The following TBC1D5 variants were observed in gnomAD, a reference collection of about 807,000 sequenced individuals.
TBC1D5 encodes TBC1 domain family member 5.
Under a neutral mutation model 100.3 loss-of-function variants are expected in TBC1D5, and 75 were observed. That is an observed-to-expected ratio of 0.75 (90% CI 0.62 to 0.91). The LOEUF (loss-of-function observed/expected upper bound fraction) is 0.91. Among genes scored for constraint, TBC1D5 ranks in the 40% least tolerant of loss-of-function variants. The pLI is 0.00. For synonymous variants in TBC1D5, 323 were observed against 325.6 expected, an observed-to-expected ratio of 0.99 and a Z score of 0.09; for missense variants, 910 against 942.4, an observed-to-expected ratio of 0.97 and a Z score of 0.45.
At chr3:17,202,768 T>C (rs183944106) in intron 18 of TBC1D5, among the ~76,000 whole-genome samples, 1 of 152,328 alleles carries the variant, frequency 6.6e-6, no homozygotes, top group African/African-American at 2.4e-5. Context: ...AGCTTTCACA[T>C]AGTGTTAAGC....
chr3:17,386,339 A>T (rs2152273755), intron 8 of TBC1D5, among the ~76,000 whole-genome samples: 1 of 152,252 alleles, frequency 6.6e-6, no homozygotes, highest in Non-Finnish European at 1.5e-5. Context: ...ATTGATTATG[A>T]AAGAAAGTAC....
At chr3:17,554,652 T>G (rs1242297742) in intron 2 of TBC1D5, among the ~76,000 whole-genome samples, 1 of 152,200 alleles carries the variant, frequency 6.6e-6, no homozygotes, top group Non-Finnish European at 1.5e-5. Flanking sequence ...AGCACTTTTC[T>G]GCACTTGGGT....
intron 3 of TBC1D5, among the ~76,000 whole-genome samples, chr3:17,434,656 C>T (rs1172627986): frequency 6.6e-6 from 1 of 152,178 alleles, no homozygotes; most frequent in Non-Finnish European, 1.5e-5. Flanking sequence ...CCCACAAAAC[C>T]ACTTTTCCCT....
chr3:17,617,867 T>C (rs1043455567), intron 2 of TBC1D5, among the ~76,000 whole-genome samples: 1 of 152,226 alleles, frequency 6.6e-6, no homozygotes, highest in Non-Finnish European at 1.5e-5. Context: ...TCAAAGAAGT[T>C]TGTTATTACT....
At chr3:17,742,220 C>A (rs1170500161), upstream of TBC1D5, among the ~76,000 whole-genome samples, 2 of 152,120 alleles carry the variant, frequency 1.3e-5, no homozygotes, top group African/African-American at 2.4e-5. Flanking sequence ...CCGCCATCCA[C>A]CCCCGACGCC....
At position 17,673,889 on chromosome 3, in the gene TBC1D5, C is replaced by T. The variant is rs1487286418; in HGVS notation, c.-100-49976G>A. Among the ~76,000 whole-genome samples the T allele has an allele frequency of 2.6e-5, 4 of 152,226 alleles. No homozygotes were observed. The East Asian group carries it at 7.7e-4, about 29-fold the overall frequency. ...TTTATTTCAAAAATGAACTGAAGGA[C>T]TCCACCATGCAGATCTCCTGAATGA... On this transcript the variant is annotated intron_variant, in intron 1 of 21. Coordinates refer to ENST00000253692, the Ensembl canonical transcript of TBC1D5.
intron 17 of TBC1D5, among the ~76,000 whole-genome samples, chr3:17,228,297 C>T (rs2075107394): frequency 6.6e-6 from 1 of 152,178 alleles, no homozygotes; most frequent in African/African-American, 2.4e-5. Context: ...TGACCCTCCA[C>T]TGGCCATAGT....
At chr3:17,346,087 T>G (rs1248489199) in intron 13 of TBC1D5, among the ~76,000 whole-genome samples, 1 of 151,852 alleles carries the variant, frequency 6.6e-6, no homozygotes, top group East Asian at 1.9e-4. Flanking sequence ...ATAAAAGAAT[T>G]TTTCAGTATA....
At chr3:17,217,938 C>T (rs1211758094) in intron 17 of TBC1D5, among the ~76,000 whole-genome samples, 1 of 152,026 alleles carries the variant, frequency 6.6e-6, no homozygotes, top group Non-Finnish European at 1.5e-5. Flanking sequence ...TACTGCCTAA[C>T]CTGAGGTCAT....
At chr3:17,312,332 T>C (rs17043356) in intron 13 of TBC1D5, among the ~76,000 whole-genome samples, 2,371 of 152,272 alleles carry the variant, frequency 0.016, 24 homozygotes, top group Non-Finnish European at 0.025. Flanking sequence ...TGAAGGATGC[T>C]TACCTGTTTG....
intron 2 of TBC1D5, among the ~76,000 whole-genome samples, chr3:17,559,060 T>C (rs1281864412): frequency 1.3e-5 from 2 of 149,132 alleles, no homozygotes; most frequent in Non-Finnish European, 1.5e-5. Flanking sequence ...TATTTTACGG[T>C]CTATTTTCTA....
intron 13 of TBC1D5, among the ~76,000 whole-genome samples, chr3:17,311,466 T>C (rs1227458615): frequency 6.6e-6 from 1 of 152,070 alleles, no homozygotes; most frequent in African/African-American, 2.4e-5. Flanking sequence ...ACCACTATTC[T>C]CGATTTTAAA....
At chr3:17,330,846 C>T (rs1193626392) in intron 13 of TBC1D5, among the ~76,000 whole-genome samples, 2 of 152,168 alleles carry the variant, frequency 1.3e-5, no homozygotes, top group African/African-American at 2.4e-5. Flanking sequence ...TCCTCTTGTA[C>T]TTACAGCTGA....
At chr3:17,699,040 T>A (rs1279730186) in intron 1 of TBC1D5, among the ~76,000 whole-genome samples, 1 of 151,726 alleles carries the variant, frequency 6.6e-6, no homozygotes, top group African/African-American at 2.4e-5. Flanking sequence ...ATCCCATTAC[T>A]GGGTATATGC....
chr3:17,613,896 T>C (rs9681617), intron 2 of TBC1D5, among the ~76,000 whole-genome samples: 62,434 of 152,020 alleles, frequency 0.41, 13,502 homozygotes, highest in Middle Eastern at 0.5. Flanking sequence ...TTTAATTAGA[T>C]CCCATCTGTC....
At chr3:17,486,561 T>G (rs911084607) in intron 3 of TBC1D5, among the ~76,000 whole-genome samples, 9 of 152,126 alleles carry the variant, frequency 5.9e-5, no homozygotes, top group Non-Finnish European at 1.2e-4. Flanking sequence ...AGCAGGGAAC[T>G]CCCAGGTTCT....
At chr3:17,647,932 C>G (rs745925239) in intron 1 of TBC1D5, among the ~76,000 whole-genome samples, 1 of 152,104 alleles carries the variant, frequency 6.6e-6, no homozygotes, top group Non-Finnish European at 1.5e-5. Context: ...AGATTCAATG[C>G]TATTTCTATC....
At chr3:17,231,075 G>C (rs559611057) in intron 17 of TBC1D5, among the ~76,000 whole-genome samples, 1 of 152,218 alleles carries the variant, frequency 6.6e-6, no homozygotes, top group African/African-American at 2.4e-5. Flanking sequence ...TGAATCCAGA[G>C]ATGTGAAACC....
At chr3:17,509,112 A>G (rs2095874097) in intron 2 of TBC1D5, among the ~76,000 whole-genome samples, 1 of 152,016 alleles carries the variant, frequency 6.6e-6, no homozygotes. Flanking sequence ...ATAACATGGT[A>G]AACATACTGA....
Sources: gnomAD v4.1 joint callset for allele counts (sites outside exome capture counted in the v4.1 genomes callset) on GRCh38, gnomAD v4.1.1 for gene constraint, MANE v1.5 for transcripts, NCBI Gene and HGNC (gene_info 2026-07-23, HGNC 2026-07-21) for gene names.